Variants in NLRP9 observed in about 807,000 individuals in gnomAD.
NLRP9 encodes the protein NLR family pyrin domain containing 9, also known as NACHT, LRR and PYD domains-containing protein 9.
A neutral mutation model predicts 83.1 loss-of-function variants in NLRP9; 88 were observed. That is an observed-to-expected ratio of 1.06 (90% CI 0.89 to 1.26). NLRP9 has a LOEUF of 1.26. Ranked by LOEUF, NLRP9 falls within the 50% of genes most tolerant of loss-of-function variation. The probability of loss-of-function intolerance (pLI) is 0.00; values close to 1 mark genes in which losing one functional copy is unlikely to be tolerated. For synonymous variants in NLRP9, 521 were observed against 447.6 expected (o/e 1.16, Z -2.07); for missense variants, 1,308 against 1,179.3 (o/e 1.11, Z -1.60).
intron 4 of NLRP9, 29 bp from the exon 5 acceptor site, chr19:55,716,927 G>T: frequency 6.3e-7 from 1 of 1,596,954 alleles, no homozygotes; most frequent in South Asian, 1.1e-5. Context: ...CCATGAGACG[G>T]ACCAAAGCTT....
At chr19:55,718,785 T>C (rs761411915) in intron 4 of NLRP9, among the ~76,000 whole-genome samples, 17 of 152,222 alleles carry the variant, frequency 1.1e-4, no homozygotes, top group African/African-American at 1.4e-4. Context: ...GGCCCACTGT[T>C]CTTTCTCTAT....
chr19:55,733,688 G>A (rs964714839), intron 1 of NLRP9, 138 bp from the exon 2 acceptor site: 36 of 604,530 alleles, frequency 6.0e-5, no homozygotes, highest in Middle Eastern at 3.7e-4. Flanking sequence ...TTTAACCTGA[G>A]AGACTGGTTC....
intron 1 of NLRP9, among the ~76,000 whole-genome samples, chr19:55,734,996 G>T (rs969420818): frequency 6.6e-6 from 1 of 152,146 alleles, no homozygotes; most frequent in East Asian, 1.9e-4. Flanking sequence ...GAAGGGAGAA[G>T]AATTAAAATC....
intron 4 of NLRP9, 134 bp from the exon 5 acceptor site, chr19:55,717,032 T>TA: frequency 1.9e-5 from 11 of 578,988 alleles, no homozygotes; most frequent in Non-Finnish European, 3.2e-5. Context: ...AGACTCTTTT[T>TA]CTTTTTTTTT....
chr19:55,732,914 T>C lies in NLRP9; in HGVS notation c.917A>G (p.Tyr306Cys), dbSNP rs1397805497. 10 of 1,613,826 alleles carry C rather than the reference T, an allele frequency of 6.2e-6. No homozygotes were observed. The highest frequency in any genetic ancestry group is 2.7e-5 in the African/African-American group (2 of 74,884). ...LGFSESEKKS[Y>C]FSYFFGEKSK... ...CTTCTCACCAAAGAAGTAGGAGAAA[T>C]ACGACTTCTTTTCAGATTCACTGAA... The change falls in exon 2 of 9, where the codon TAT becomes TGT. Residue 306 changes from tyrosine (Y) to cysteine (C), a missense_variant. Coordinates refer to ENST00000332836, the MANE Select transcript of NLRP9 (RefSeq NM_176820.4).
At chr19:55,719,846 C>T (rs962717034) in intron 4 of NLRP9, among the ~76,000 whole-genome samples, 9 of 152,016 alleles carry the variant, frequency 5.9e-5, no homozygotes, top group African/African-American at 9.7e-5. Context: ...ATACCAAAAC[C>T]ACACACAATG....
intron 2 of NLRP9, 54 bp downstream of exon 2, chr19:55,731,945 T>C (rs1988583893): frequency 1.7e-6 from 2 of 1,191,082 alleles, no homozygotes; most frequent in African/African-American, 3.1e-5. Context: ...CACAGGCCAC[T>C]AGAGCAAACT....
chr19:55,717,958 G>C (rs1485636559), intron 4 of NLRP9, among the ~76,000 whole-genome samples: 1 of 152,122 alleles, frequency 6.6e-6, no homozygotes, highest in Non-Finnish European at 1.5e-5. Context: ...GTGTAGAAAA[G>C]GAAGACATAA....
chr19:55,729,482 G>A (rs780770420), intron 3 of NLRP9, among the ~76,000 whole-genome samples: 32 of 152,140 alleles, frequency 2.1e-4, no homozygotes, highest in Middle Eastern at 3.4e-3. Flanking sequence ...GAGAACATGC[G>A]TTGTTTGGTT....
rs1285237786 is a variant in NLRP9, at chr19:55,732,409, G to A, written c.1422C>T (p.Thr474=). 1 of 1,614,190 alleles carries A rather than the reference G, an allele frequency of 6.2e-7. No individual in the cohort carries two copies. Among genetic ancestry groups the A allele is most frequent in the Non-Finnish European group, 8.5e-7 (1 of 1,180,042 alleles). The change falls in exon 2 of 9, where the codon ACC becomes ACT. Residue 474 remains threonine, a synonymous_variant. Transcript: ENST00000332836. ...DDPNPAIGSI[T]QLVRASVVQP... ...GAACCACACTTGCTCTTACAAGCTG[G>A]GTTATGCTTCCAATGGCCGGGTTAG...
In NLRP9 at chr19:55,732,517, C is replaced by G; in HGVS notation, c.1314G>C (p.Gly438=). 6.2e-7 allele frequency: 1 copy of G among 1,614,174 alleles called. No homozygotes were observed. Among genetic ancestry groups the G allele is most frequent in the Non-Finnish European group, 8.5e-7 (1 of 1,180,038 alleles). Residue 438 remains glycine, a synonymous_variant, in exon 2 of 9, where the codon GGG becomes GGC. Transcript: ENST00000332836. ...ACAGATGCATGAAGGCAAAACAGTC[C>G]CCTCTCCTTTGGAGGAGTCTCATAC... ...WVGMRLLQRR[G]DCFAFMHLCI...
At chr19:55,713,620 CTTA>C (rs1432647654) in intron 6 of NLRP9, among the ~76,000 whole-genome samples, 1 of 35,788 alleles carries the variant, frequency 2.8e-5, no homozygotes, top group Non-Finnish European at 5.6e-5. Flanking sequence ...CCCTCTCCCT[CTTA>C]CTCCCCTCCT....
At chr19:55,714,579 C>G (rs184082314) in intron 6 of NLRP9, among the ~76,000 whole-genome samples, 11 of 150,646 alleles carry the variant, frequency 7.3e-5, no homozygotes, top group African/African-American at 2.7e-4. Context: ...TGTATAGCCT[C>G]ATCTGGATTT....
chr19:55,713,840 C>T lies in NLRP9; in HGVS notation c.2501+1215G>A, dbSNP rs142048197. ...ATCCTCTCTTCCGCTCCTGCCCCGA[C>T]TTCCATCCCCTCTTCCCCTCTCCTC... is the stretch of plus-strand genomic sequence containing the variant. On this transcript the variant is annotated intron_variant, in intron 6 of 8. Transcript: ENST00000332836. Among the ~76,000 whole-genome samples the T allele has an allele frequency of 3.7e-3, 219 of 58,932 alleles. 17 individuals are homozygous for T. In the Admixed American group the frequency reaches 0.043, roughly 11 times the overall value. The allele number at this position is 58,932 out of a possible 152,430, so 38.7% of individuals were successfully genotyped here.
chr19:55,713,751 CT>C (rs1311073079), intron 6 of NLRP9, among the ~76,000 whole-genome samples: 22 of 808 alleles, frequency 0.027, 1 homozygote, highest in South Asian at 0.058. Context: ...CTCCCCACCT[CT>C]TCCCCCCTCC....
chr19:55,732,849 C>T lies in NLRP9; in HGVS notation c.982G>A (p.Gly328Arg). Residue 328 changes from glycine (G) to arginine (R), a missense_variant, in exon 2 of 9, where the codon GGG becomes AGG. Physicochemically the swap from Gly to Arg is moderately radical, Grantham distance 125 (BLOSUM62 -2). Coordinates refer to ENST00000332836, the MANE Select transcript of NLRP9 (RefSeq NM_176820.4). ...LKVFNFVRDNGPLFILCHNPF... is the reference protein window; with the variant it reads ...LKVFNFVRDNRPLFILCHNPF... ...TTATGGCACAAGATAAACAGCGGCC[C>T]ATTATCTCTCACAAAATTGAAGACT... 6.2e-7 allele frequency: 1 copy of T among 1,614,096 alleles called. No individual in the cohort carries two copies. The highest frequency in any genetic ancestry group is 2.2e-5 in the East Asian group (1 of 44,882).
chr19:55,718,270 A>G (rs947650812), intron 4 of NLRP9, among the ~76,000 whole-genome samples: 5 of 152,178 alleles, frequency 3.3e-5, no homozygotes, highest in Admixed American at 6.5e-5. Flanking sequence ...ATATGGCCTC[A>G]TGGGAAAGGA....
intron 8 of NLRP9, among the ~76,000 whole-genome samples, chr19:55,710,625 C>T (rs560538368): frequency 6.6e-6 from 1 of 152,224 alleles, no homozygotes; most frequent in South Asian, 2.1e-4. Context: ...TGTGTGGCAT[C>T]CCCCCTGCTT....
At chr19:55,715,320 G>A (rs1987968311) in intron 5 of NLRP9, 95 bp from the exon 6 acceptor site, 1 of 1,043,808 alleles carries the variant, frequency 9.6e-7, no homozygotes, top group South Asian at 1.7e-5. Context: ...AGCTTCCTAT[G>A]GTAATATTAC....
Sources: allele counts gnomAD v4.1 joint callset (sites outside exome capture counted in the v4.1 genomes callset), GRCh38; gene constraint gnomAD v4.1.1; transcripts MANE v1.5; gene names NCBI Gene and HGNC (gene_info 2026-07-23, HGNC 2026-07-21).